Variants in ZFAND4 observed in about 807,000 individuals in gnomAD.
ZFAND4 encodes the protein AN1-type zinc finger protein 4.
Under a neutral mutation model 64.4 loss-of-function variants are expected in ZFAND4, and 43 were observed. That is an observed-to-expected ratio of 0.67 (90% CI 0.52 to 0.86). The LOEUF (loss-of-function observed/expected upper bound fraction) is 0.86, where lower values mean the gene tolerates loss of function less well. ZFAND4 is among the 40% of genes least tolerant of loss of function. The probability of loss-of-function intolerance (pLI) is 0.00; values close to 1 mark genes in which losing one functional copy is unlikely to be tolerated. For missense variants in ZFAND4, 929 were observed against 859.8 expected (o/e 1.08, Z -1.01); for synonymous variants, 296 against 305.7 (o/e 0.97, Z 0.33).
chr10:45,642,939 CAG>C (rs1235309156), intron 5 of ZFAND4, among the ~76,000 whole-genome samples: 2 of 92,612 alleles, frequency 2.2e-5, no homozygotes, highest in South Asian at 3.7e-4. Context: ...TTTTTTGAGA[CAG>C]AGTTTCACTC....
At chr10:45,623,949 C>T (rs1396129100) in intron 8 of ZFAND4, among the ~76,000 whole-genome samples, 3 of 152,124 alleles carry the variant, frequency 2.0e-5, no homozygotes, top group Non-Finnish European at 4.4e-5. Flanking sequence ...AACCTTGAGG[C>T]TACAAAGGTG....
At chr10:45,621,473 T>C (rs1589237640) in intron 8 of ZFAND4, among the ~76,000 whole-genome samples, 1 of 149,128 alleles carries the variant, frequency 6.7e-6, no homozygotes, top group East Asian at 2.0e-4. Context: ...CCAGGCGCAG[T>C]GGCTCACACC....
At chr10:45,653,378 A>G (rs2047890413) in intron 2 of ZFAND4, among the ~76,000 whole-genome samples, 1 of 152,212 alleles carries the variant, frequency 6.6e-6, no homozygotes, top group Non-Finnish European at 1.5e-5. Flanking sequence ...TCAACAGAGT[A>G]AAGAGATGAT....
chr10:45,666,825 T>G (rs2048854838), intron 1 of ZFAND4, among the ~76,000 whole-genome samples: 1 of 152,214 alleles, frequency 6.6e-6, no homozygotes, highest in African/African-American at 2.4e-5. Context: ...TTACTGTAAA[T>G]GTGAAGGTTT....
At position 45,671,000 on chromosome 10, in the gene ZFAND4, G is replaced by C. The variant is rs181675854; in HGVS notation, c.-118+1250C>G. Among the ~76,000 whole-genome samples, 423 of 151,866 alleles carry C rather than the reference G, an allele frequency of 2.8e-3. 1 individual carries two copies. Among genetic ancestry groups the C allele is most frequent in the Non-Finnish European group, 4.6e-3 (310 of 67,836 alleles). On this transcript the variant is annotated intron_variant, in intron 1 of 9. Coordinates refer to ENST00000344646, the MANE Select transcript of ZFAND4 (RefSeq NM_174890.4). Reference sequence around the variant, plus strand: ...ACAAATTTTCAAGAAAAAAACAACCGCATCAAAAAGTGGGCAAAGGATATG... The same window carrying C: ...ACAAATTTTCAAGAAAAAAACAACCCCATCAAAAAGTGGGCAAAGGATATG...
Position 45,663,577 on chromosome 10 carries a change from A to C in ZFAND4, c.149T>G (p.Val50Gly). The change falls in exon 2 of 10, where the codon GTT becomes GGT. Residue 50 changes from valine (V) to glycine (G), a missense_variant. Physicochemically the swap from Val to Gly is moderately radical, Grantham distance 109 (BLOSUM62 -3). Coordinates refer to ENST00000344646, the MANE Select transcript of ZFAND4 (RefSeq NM_174890.4). ...TCGAATTTTTGCTTTCACAGAAATA[A>C]CAGTTTCAAAAGGTGAAACTCTCAG... ...FELRVSPFET[V>G]ISVKAKIRRL... The C allele has an allele frequency of 3.1e-6, 5 of 1,603,796 alleles. No homozygotes were observed. Among genetic ancestry groups the C allele is most frequent in the Non-Finnish European group, 4.2e-6 (5 of 1,177,498 alleles).
At position 45,653,044 on chromosome 10, in the gene ZFAND4, C is replaced by T. The variant is rs1564617086; in HGVS notation, c.200G>A (p.Arg67Gln). 8 of 1,609,298 alleles carry T rather than the reference C, an allele frequency of 5.0e-6. No homozygotes were observed. The highest frequency in any genetic ancestry group is 3.4e-5 in the Admixed American group (2 of 59,662). ...CATGTTATTCCAAATTAAGTGTTGT[C>T]GACAGATGGGAATACCTTAAGGGAA... is the stretch of plus-strand genomic sequence containing the variant. The part of the protein sequence containing the change: ...IRRLEGIPIC[R>Q]QHLIWNNMEL... The change falls in exon 3 of 10, where the codon CGA becomes CAA. Residue 67 changes from arginine (R) to glutamine (Q), a missense_variant. Transcript: ENST00000344646.
At chr10:45,653,897 C>T (rs917431973) in intron 2 of ZFAND4, among the ~76,000 whole-genome samples, 1 of 152,148 alleles carries the variant, frequency 6.6e-6, no homozygotes, top group Non-Finnish European at 1.5e-5. Flanking sequence ...ATTCACAATA[C>T]AAAAGAGATG....
intron 2 of ZFAND4, among the ~76,000 whole-genome samples, chr10:45,661,057 T>C (rs1375139935): frequency 2.6e-5 from 4 of 152,142 alleles, no homozygotes; most frequent in Non-Finnish European, 4.4e-5. Flanking sequence ...AACTCAGATC[T>C]ACATAAACAA....
chr10:45,637,377 CTAAG>C (rs2046678980), intron 6 of ZFAND4, among the ~76,000 whole-genome samples: 1 of 151,026 alleles, frequency 6.6e-6, no homozygotes, highest in African/African-American at 2.4e-5. Flanking sequence ...TGGACTAAAC[CTAAG>C]TGAGAGAAAA....
In ZFAND4 at chr10:45,653,155, C is replaced by T. The variant is rs143852505; in HGVS notation, c.185-96G>A. 4.7e-4 allele frequency: 433 copies of T among 923,952 alleles called. 4 individuals carry two copies. The East Asian group carries it at 0.011, about 24-fold the overall frequency. 57.2% of individuals were successfully genotyped at this position (923,952 alleles called of 1,614,324 possible). On this transcript the variant is annotated intron_variant, in intron 2 of 9. Coordinates refer to ENST00000344646, the MANE Select transcript of ZFAND4 (RefSeq NM_174890.4). ...CTATTTCATTAAGGAACTAAGAGCA[C>T]TAAAAAATTAAACATTCTTCTAAAT...
chr10:45,663,665 T>G lies in ZFAND4; in HGVS notation c.61A>C (p.Arg21=), dbSNP rs774338593. 1.2e-6 allele frequency: 2 copies of G among 1,610,666 alleles called. No individual in the cohort carries two copies. Among genetic ancestry groups the G allele is most frequent in the Non-Finnish European group, 1.7e-6 (2 of 1,179,182 alleles). Residue 21 remains arginine, a synonymous_variant, in exon 2 of 10, where the codon AGA becomes CGA. Coordinates refer to ENST00000344646, the MANE Select transcript of ZFAND4 (RefSeq NM_174890.4). ...TCCATGGTATCACAGAAATGAAGTC[T>G]GTAGTAAAATGGTCCCATGTTATCA... ...NDDNMGPFYY[R]LHFCDTMELF...
At chr10:45,651,933 T>C (rs759607742) in intron 4 of ZFAND4, 33 bp downstream of exon 4, 7 of 1,579,214 alleles carry the variant, frequency 4.4e-6, no homozygotes, top group Non-Finnish European at 6.1e-6. Context: ...AGAATGTTAC[T>C]GTCAAATTGC....
At chr10:45,625,556 AC>A (rs918521085) in intron 7 of ZFAND4, among the ~76,000 whole-genome samples, 61 of 151,608 alleles carry the variant, frequency 4.0e-4, no homozygotes, top group African/African-American at 1.1e-3. Context: ...ATGGAAAAAA[AC>A]ATTAAAAACA....
At chr10:45,652,803 G>T (rs2047845756) in intron 3 of ZFAND4, among the ~76,000 whole-genome samples, 181 bp downstream of exon 3, 2 of 152,168 alleles carry the variant, frequency 1.3e-5, no homozygotes, top group African/African-American at 4.8e-5. Flanking sequence ...GAGGATAAAG[G>T]TTAAAGTAGT....
rs555261242 is a variant in ZFAND4 at position 45,637,168 on chromosome 10, C to A, written c.717+2648G>T. ...CCAGCCTGGCCAACATGGCAAAACC[C>A]CATCTCTACTAAAAATACAAAAAAT... On this transcript the variant is annotated intron_variant, in intron 6 of 9. Coordinates refer to ENST00000344646, the MANE Select transcript of ZFAND4 (RefSeq NM_174890.4). 3.3e-5 allele frequency among the ~76,000 whole-genome samples: 5 copies of A among 151,714 alleles called. No individual in the cohort carries two copies. The South Asian group carries it at 1.0e-3, about 32-fold the overall frequency.
In ZFAND4 at chr10:45,639,832, A is replaced by G. The variant is rs1303375152; in HGVS notation, c.701T>C (p.Met234Thr). The G allele has an allele frequency of 3.7e-6, 6 of 1,611,080 alleles. No individual in the cohort carries two copies. The highest frequency in any genetic ancestry group is 5.1e-6 in the Non-Finnish European group (6 of 1,179,162). Residue 234 changes from methionine (M) to threonine (T), a missense_variant, in exon 6 of 10, where the codon ATG becomes ACG. Transcript: ENST00000344646. The stretch of plus-strand genomic sequence containing the variant: ...CAGCTTCACCTTTTTGCTGAGATTC[A>G]TGTTCTTCATCTTAGCCTTCAGCAG... Reference protein sequence around the residue: ...MKLLKAKMKNMNLSKKPKKAV... With the variant: ...MKLLKAKMKNTNLSKKPKKAV...
chr10:45,651,956 A>G lies in ZFAND4; in HGVS notation c.328+10T>C. 2.5e-6 allele frequency: 4 copies of G among 1,611,248 alleles called. No individual in the cohort carries two copies. The highest frequency in any genetic ancestry group is 1.3e-5 in the African/African-American group (1 of 74,970). Reference sequence around the variant, plus strand: ...ACTGTCAAATTGCTTTAATATATATATATGCCTACCTCTTCTAGTATTTAT... The same window carrying G: ...ACTGTCAAATTGCTTTAATATATATGTATGCCTACCTCTTCTAGTATTTAT... On this transcript the variant is annotated intron_variant, in intron 4 of 9. Transcript: ENST00000344646.
At chr10:45,651,414 G>A (rs2047749985) in intron 4 of ZFAND4, 1 of 354,216 alleles carries the variant, frequency 2.8e-6, no homozygotes, top group Admixed American at 3.7e-5. Context: ...TCTCTCCCAT[G>A]TCTACCATAC....
Sources: gnomAD v4.1 joint callset for allele counts (sites outside exome capture counted in the v4.1 genomes callset) on GRCh38, gnomAD v4.1.1 for gene constraint, MANE v1.5 for transcripts, NCBI Gene and HGNC (gene_info 2026-07-23, HGNC 2026-07-21) for gene names.